The following ADAMTSL1 variants were observed in gnomAD, a reference collection of about 807,000 sequenced individuals.
The protein encoded by ADAMTSL1 is ADAMTS-like protein 1.
ADAMTSL1 carries 126 observed loss-of-function variants against 201.8 expected under a neutral mutation model. The ratio of observed to expected loss-of-function variants is 0.62; its 90% CI spans 0.54 to 0.72. ADAMTSL1 has a LOEUF of 0.72. Ranked by LOEUF, ADAMTSL1 falls within the 30% of genes least tolerant of loss-of-function variation. The probability of loss-of-function intolerance (pLI) is 0.00; values close to 1 mark genes in which losing one functional copy is unlikely to be tolerated. For missense variants in ADAMTSL1, 2,679 were observed against 2,277.8 expected, an observed-to-expected ratio of 1.18 and a Z score of -3.59; for synonymous variants, 1,121 against 903.4, an observed-to-expected ratio of 1.24 and a Z score of -4.32.
intron 2 of ADAMTSL1, among the ~76,000 whole-genome samples, chr9:18,378,262 G>C (rs796922195): frequency 6.6e-6 from 1 of 152,266 alleles, no homozygotes; most frequent in African/African-American, 2.4e-5. Flanking sequence ...AACGGAAATA[G>C]TGTATGTGAA....
chr9:18,802,642 C>A (rs1822872479), intron 20 of ADAMTSL1, among the ~76,000 whole-genome samples: 1 of 152,148 alleles, frequency 6.6e-6, no homozygotes, highest in African/African-American at 2.4e-5. Flanking sequence ...TACTTTTTGG[C>A]TATTATGAAT....
At chr9:18,818,388 C>T (rs1257395104) in intron 21 of ADAMTSL1, among the ~76,000 whole-genome samples, 1 of 152,202 alleles carries the variant, frequency 6.6e-6, no homozygotes, top group Non-Finnish European at 1.5e-5. Flanking sequence ...ACTTATAAGA[C>T]ATGAAAACCC....
chr9:18,412,823 T>C (rs1006241841), intron 2 of ADAMTSL1, among the ~76,000 whole-genome samples: 2 of 152,160 alleles, frequency 1.3e-5, no homozygotes, highest in Non-Finnish European at 1.5e-5. Context: ...GGCTAAGCTA[T>C]TTTTTTCTTG....
intron 2 of ADAMTSL1, among the ~76,000 whole-genome samples, chr9:18,235,843 G>C (rs1222548438): frequency 6.6e-6 from 1 of 152,142 alleles, no homozygotes; most frequent in African/African-American, 2.4e-5. Context: ...TCCTCTTGCT[G>C]AGAATTTTTC....
At chr9:18,316,203 A>G (rs1365879368) in intron 2 of ADAMTSL1, among the ~76,000 whole-genome samples, 1 of 152,178 alleles carries the variant, frequency 6.6e-6, no homozygotes, top group Non-Finnish European at 1.5e-5. Flanking sequence ...GCAGGGCAAG[A>G]TCACAGGACC....
intron 3 of ADAMTSL1, among the ~76,000 whole-genome samples, chr9:18,540,202 C>T (rs1295863603): frequency 6.6e-6 from 1 of 151,966 alleles, no homozygotes; most frequent in South Asian, 2.1e-4. Flanking sequence ...TAGGCACTGG[C>T]GTATAATATT....
At chr9:18,852,256 G>T (rs1300717663) in intron 23 of ADAMTSL1, among the ~76,000 whole-genome samples, 1 of 152,168 alleles carries the variant, frequency 6.6e-6, no homozygotes, top group South Asian at 2.1e-4. Context: ...CTCTGCCTTT[G>T]ATTGTTAAAA....
At chr9:18,825,595 A>G (rs1824496724) in intron 21 of ADAMTSL1, among the ~76,000 whole-genome samples, 1 of 152,196 alleles carries the variant, frequency 6.6e-6, no homozygotes, top group Non-Finnish European at 1.5e-5. Flanking sequence ...ATTAAAATAT[A>G]TCTATACAGA....
chr9:18,471,500 A>G (rs1821209767), upstream of ADAMTSL1, among the ~76,000 whole-genome samples: 1 of 152,248 alleles, frequency 6.6e-6, no homozygotes. Flanking sequence ...AACCATAAAG[A>G]TGGCATGTAC....
At chr9:18,858,447 G>T (rs1239729946) in intron 23 of ADAMTSL1, among the ~76,000 whole-genome samples, 1 of 152,166 alleles carries the variant, frequency 6.6e-6, no homozygotes, top group Non-Finnish European at 1.5e-5. Flanking sequence ...TATGAACATT[G>T]ATGAACATTG....
chr9:18,637,738 C>G (rs938149983), intron 6 of ADAMTSL1, among the ~76,000 whole-genome samples: 1 of 152,028 alleles, frequency 6.6e-6, no homozygotes, highest in African/African-American at 2.4e-5. Flanking sequence ...TTCTCTTTTG[C>G]TCTTCACTCC....
chr9:17,984,730 C>G lies in ADAMTSL1; in HGVS notation c.87+77808C>G, dbSNP rs1588523496. Reference sequence around the variant, plus strand: ...CAAGATTCTGAGAAATAAACCTATTCTTTTGATGGCATCCAGGCATTTTCC... The same window carrying G: ...CAAGATTCTGAGAAATAAACCTATTGTTTTGATGGCATCCAGGCATTTTCC... On this transcript the variant is annotated intron_variant, in intron 1 of 29. Coordinates refer to the ADAMTSL1 transcript ENST00000680146. Among the ~76,000 whole-genome samples, 6 of 152,180 alleles carry G rather than the reference C, an allele frequency of 3.9e-5. No individual in the cohort carries two copies. In the South Asian group the frequency reaches 1.2e-3, roughly 32 times the overall value.
chr9:18,076,692 G>A (rs1823242867), intron 1 of ADAMTSL1, among the ~76,000 whole-genome samples: 1 of 152,210 alleles, frequency 6.6e-6, no homozygotes, highest in Admixed American at 6.5e-5. Context: ...GCAATGTCAT[G>A]TGAGCAGGGA....
intron 26 of ADAMTSL1, among the ~76,000 whole-genome samples, chr9:18,894,562 G>C (rs1203013767): frequency 6.6e-6 from 1 of 151,830 alleles, no homozygotes; most frequent in Non-Finnish European, 1.5e-5. Context: ...ATGAGAGAAA[G>C]GAAGGAAGTC....
intron 2 of ADAMTSL1, among the ~76,000 whole-genome samples, chr9:18,211,818 G>T (rs1043638557): frequency 6.6e-6 from 1 of 152,170 alleles, no homozygotes; most frequent in Non-Finnish European, 1.5e-5. Flanking sequence ...TTGAAAATCA[G>T]ATAGTGAAAC....
chr9:18,902,406 G>T (rs528812925), intron 26 of ADAMTSL1, among the ~76,000 whole-genome samples: 1 of 152,318 alleles, frequency 6.6e-6, no homozygotes, highest in South Asian at 2.1e-4. Context: ...TGTATACAGA[G>T]TATCTTTTCC....
chr9:17,920,300 T>G (rs990417351), intron 1 of ADAMTSL1, among the ~76,000 whole-genome samples: 1 of 152,180 alleles, frequency 6.6e-6, no homozygotes, highest in Non-Finnish European at 1.5e-5. Context: ...TCTGTTGTCT[T>G]TAGGTCTGAT....
At chr9:18,156,237 G>C (rs114796831) in intron 1 of ADAMTSL1, among the ~76,000 whole-genome samples, 2,224 of 152,096 alleles carry the variant, frequency 0.015, 82 homozygotes, top group African/African-American at 0.051. Context: ...CCATCTTTTG[G>C]TTAAGATAAC....
intron 2 of ADAMTSL1, among the ~76,000 whole-genome samples, chr9:18,422,305 G>A (rs1818992020): frequency 6.6e-6 from 1 of 152,122 alleles, no homozygotes; most frequent in African/African-American, 2.4e-5. Context: ...CCCTCTTTCT[G>A]AAGTAATTCT....
Sources: gnomAD v4.1 joint callset for allele counts (sites outside exome capture counted in the v4.1 genomes callset) on GRCh38, gnomAD v4.1.1 for gene constraint, MANE v1.5 for transcripts, NCBI Gene and HGNC (gene_info 2026-07-23, HGNC 2026-07-21) for gene names.